ADAM12: variants seen among roughly 807,000 people sequenced by gnomAD.
The protein encoded by ADAM12 is disintegrin and metalloproteinase domain-containing protein 12.
ADAM12 carries 70 observed loss-of-function variants against 106.4 expected under a neutral mutation model. The ratio of observed to expected loss-of-function variants is 0.66; its 90% CI spans 0.54 to 0.80. The LOEUF (loss-of-function observed/expected upper bound fraction) is 0.80, where lower values mean the gene tolerates loss of function less well. Among genes scored for constraint, ADAM12 ranks in the 30% least tolerant of loss-of-function variants. The pLI is 0.00. For synonymous variants in ADAM12, 420 were observed against 433.5 expected (o/e 0.97, Z 0.39); for missense variants, 1,010 against 1,171.9 (o/e 0.86, Z 2.02).
At chr10:126,194,352 T>C (rs1174394335) in intron 3 of ADAM12, among the ~76,000 whole-genome samples, 1 of 151,000 alleles carries the variant, frequency 6.6e-6, no homozygotes, top group East Asian at 1.9e-4. Flanking sequence ...GAAGAATCCT[T>C]TAAGCTTTCT....
At chr10:126,162,389 C>A (rs565393700) in intron 3 of ADAM12, among the ~76,000 whole-genome samples, 1 of 152,020 alleles carries the variant, frequency 6.6e-6, no homozygotes, top group African/African-American at 2.4e-5. Flanking sequence ...GCGGGCAACG[C>A]GCAGAGGGGA....
intron 4 of ADAM12, among the ~76,000 whole-genome samples, chr10:126,149,048 C>T (rs562004492): frequency 6.6e-6 from 1 of 152,288 alleles, no homozygotes; most frequent in South Asian, 2.1e-4. Context: ...CTGTCTCCTC[C>T]CACCCTCTTC....
intron 19 of ADAM12, among the ~76,000 whole-genome samples, chr10:126,038,741 G>A (rs1954102214): frequency 6.6e-6 from 1 of 152,136 alleles, no homozygotes; most frequent in East Asian, 1.9e-4. Context: ...AAACACATCA[G>A]TGGAATTTCC....
intron 1 of ADAM12, among the ~76,000 whole-genome samples, chr10:126,364,208 A>G (rs545555039): frequency 3.5e-4 from 54 of 152,136 alleles, no homozygotes; most frequent in Non-Finnish European, 7.1e-4. Flanking sequence ...CACATCTTAA[A>G]TCAACAGTCA....
chr10:126,163,747 G>A lies in ADAM12; in HGVS notation c.261-8442C>T, dbSNP rs139506080. ...TTCTGTAACAAGACTTTCCCTATTC[G>A]GCCTTATTTCTTGTTTACTTGTCTT... On this transcript the variant is annotated intron_variant, in intron 3 of 22. Transcript: ENST00000448723. Among the ~76,000 whole-genome samples the A allele has an allele frequency of 3.7e-3, 565 of 152,154 alleles. 4 individuals are homozygous for A. Among genetic ancestry groups the A allele is most frequent in the African/African-American group, 0.012 (514 of 41,490 alleles).
At chr10:126,106,579 G>C (rs940940496) in intron 8 of ADAM12, among the ~76,000 whole-genome samples, 7 of 149,748 alleles carry the variant, frequency 4.7e-5, no homozygotes, top group Non-Finnish European at 8.9e-5. Flanking sequence ...TCTGCTTCCC[G>C]GGTTCAAGCA....
chr10:126,079,559 A>G (rs562866717), intron 11 of ADAM12, among the ~76,000 whole-genome samples: 1 of 152,116 alleles, frequency 6.6e-6, no homozygotes, highest in Non-Finnish European at 1.5e-5. Context: ...ACCATACCAC[A>G]ATTTGCTATC....
intron 3 of ADAM12, among the ~76,000 whole-genome samples, chr10:126,222,132 C>T (rs912014892): frequency 6.6e-6 from 1 of 152,188 alleles, no homozygotes; most frequent in Non-Finnish European, 1.5e-5. Flanking sequence ...GGGCACCGTT[C>T]TTCTCTGGAA....
At chr10:126,308,376 T>C (rs1442571032) in intron 2 of ADAM12, among the ~76,000 whole-genome samples, 3 of 152,198 alleles carry the variant, frequency 2.0e-5, no homozygotes, top group Admixed American at 6.5e-5. Flanking sequence ...TACCAGCAGA[T>C]TGTGGAAGAT....
At chr10:126,023,214 G>A (rs968556327) in intron 21 of ADAM12, among the ~76,000 whole-genome samples, 1 of 152,132 alleles carries the variant, frequency 6.6e-6, no homozygotes, top group Admixed American at 6.5e-5. Context: ...GGGAATTATG[G>A]CTATAGATCA....
intron 18 of ADAM12, chr10:126,041,529 C>A: frequency 1.0e-6 from 1 of 985,824 alleles, no homozygotes; most frequent in Non-Finnish European, 1.2e-6. Context: ...AGCAAAGAGC[C>A]AGAGTTCACC....
At chr10:126,171,090 A>G (rs1957112008) in intron 3 of ADAM12, among the ~76,000 whole-genome samples, 1 of 152,114 alleles carries the variant, frequency 6.6e-6, no homozygotes, top group South Asian at 2.1e-4. Context: ...GTAAATTGAC[A>G]TTTTCCCCAG....
chr10:126,081,437 T>TA (rs1200412456), intron 11 of ADAM12, among the ~76,000 whole-genome samples: 1 of 152,220 alleles, frequency 6.6e-6, no homozygotes, highest in Non-Finnish European at 1.5e-5. Context: ...GACAAATGAT[T>TA]AGATGGTAAA....
intron 19 of ADAM12, among the ~76,000 whole-genome samples, chr10:126,039,052 C>T (rs368398427): frequency 6.0e-5 from 9 of 150,502 alleles, no homozygotes; most frequent in Middle Eastern, 3.5e-3. Context: ...CTCCGCCTCC[C>T]GGGTTCACGC....
At chr10:126,027,727 C>T (rs746799670) in intron 21 of ADAM12, among the ~76,000 whole-genome samples, 6 of 152,046 alleles carry the variant, frequency 3.9e-5, no homozygotes, top group Non-Finnish European at 7.4e-5. Flanking sequence ...AAATAATAGC[C>T]ATCTATGACA....
intron 3 of ADAM12, among the ~76,000 whole-genome samples, chr10:126,276,930 G>T (rs192545303): frequency 2.6e-5 from 4 of 152,076 alleles, no homozygotes; most frequent in African/African-American, 9.7e-5. Context: ...CATTTTCAGG[G>T]GGAACCATGG....
At position 126,038,011 on chromosome 10, in the gene ADAM12, A is replaced by AG. The variant is rs3214878; in HGVS notation, c.2349+229dup. On this transcript the variant is annotated intron_variant, in intron 20 of 22. Coordinates refer to ENST00000448723, the MANE Select transcript of ADAM12 (RefSeq NM_001288973.2). Reference sequence around the variant, plus strand: ...CACACTATGCTGCACCATATCATGCAGGGGGCACTGAGTGCGCCAACAGGA... The same window carrying AG: ...CACACTATGCTGCACCATATCATGCAGGGGGGCACTGAGTGCGCCAACAGGA... Among the ~76,000 whole-genome samples, 1,132 of 152,160 alleles carry AG rather than the reference A, an allele frequency of 7.4e-3. 43 individuals carry two copies. In the East Asian group the frequency reaches 0.11, roughly 15 times the overall value.
At chr10:126,030,138 A>T (rs1305176362) in intron 21 of ADAM12, among the ~76,000 whole-genome samples, 1 of 152,238 alleles carries the variant, frequency 6.6e-6, no homozygotes, top group Admixed American at 6.5e-5. Context: ...AATGAAGCAG[A>T]TGTATAAAAC....
chr10:126,251,885 A>ATGGG (rs1565168728), intron 3 of ADAM12, among the ~76,000 whole-genome samples: 3 of 69,116 alleles, frequency 4.3e-5, no homozygotes, highest in Non-Finnish European at 9.1e-5. Flanking sequence ...GGATGGATGC[A>ATGGG]ATGGATGGAT....
Sources: allele counts gnomAD v4.1 joint callset (sites outside exome capture counted in the v4.1 genomes callset), GRCh38; gene constraint gnomAD v4.1.1; transcripts MANE v1.5; gene names NCBI Gene and HGNC (gene_info 2026-07-23, HGNC 2026-07-21).